Variants in HS3ST4 observed in about 807,000 individuals in gnomAD.
HS3ST4 encodes the protein heparan sulfate-glucosamine 3-sulfotransferase 4.
HS3ST4 carries 17 observed loss-of-function variants against 29.2 expected under a neutral mutation model. That is an observed-to-expected ratio of 0.58 (90% CI 0.40 to 0.87). HS3ST4 has a LOEUF of 0.87. Among genes scored for constraint, HS3ST4 ranks in the 40% least tolerant of loss-of-function variants. The pLI, the probability that HS3ST4 is intolerant of heterozygous loss-of-function variation, is 0.00. For synonymous variants in HS3ST4, 314 were observed against 285.7 expected, an observed-to-expected ratio of 1.10 and a Z score of -1.00; for missense variants, 627 against 634.5, an observed-to-expected ratio of 0.99 and a Z score of 0.13.
chr16:25,944,708 C>T (rs1400696988), intron 1 of HS3ST4, among the ~76,000 whole-genome samples: 1 of 152,170 alleles, frequency 6.6e-6, no homozygotes, highest in Non-Finnish European at 1.5e-5. Flanking sequence ...AAGACTCTCC[C>T]TCTCTATCTT....
At chr16:26,011,381 G>A (rs921840126) in intron 1 of HS3ST4, among the ~76,000 whole-genome samples, 2 of 151,722 alleles carry the variant, frequency 1.3e-5, no homozygotes, top group South Asian at 4.2e-4. Flanking sequence ...CCAACATGGT[G>A]AAACCCCGTC....
At chr16:25,828,125 T>TTCCCTCCC (rs201520959) in intron 1 of HS3ST4, among the ~76,000 whole-genome samples, 3 of 149,986 alleles carry the variant, frequency 2.0e-5, no homozygotes, top group African/African-American at 7.4e-5. Flanking sequence ...TAAGCAGCCC[T>TTCCCTCCC]TCCCTCCCTC....
At chr16:25,984,827 C>A (rs116154918) in intron 1 of HS3ST4, among the ~76,000 whole-genome samples, 2,398 of 152,258 alleles carry the variant, frequency 0.016, 78 homozygotes, top group African/African-American at 0.055. Context: ...TATCTTTAGT[C>A]CTGCAGTGGT....
chr16:25,795,804 T>C (rs189466017), intron 1 of HS3ST4, among the ~76,000 whole-genome samples: 22 of 152,274 alleles, frequency 1.4e-4, no homozygotes, highest in East Asian at 9.7e-4. Flanking sequence ...GCTCAGTCTA[T>C]CTTTTGTTCG....
chr16:25,740,417 G>C (rs920983331), intron 1 of HS3ST4, among the ~76,000 whole-genome samples: 1 of 152,156 alleles, frequency 6.6e-6, no homozygotes, highest in Non-Finnish European at 1.5e-5. Flanking sequence ...ATATTTGCCT[G>C]CTCCAAATAG....
intron 1 of HS3ST4, among the ~76,000 whole-genome samples, chr16:25,860,956 A>T (rs913655411): frequency 5.9e-5 from 9 of 152,160 alleles, no homozygotes; most frequent in African/African-American, 2.2e-4. Flanking sequence ...GGGAGGCTGT[A>T]TGTGGAGGGG....
intron 1 of HS3ST4, among the ~76,000 whole-genome samples, chr16:25,806,757 G>A (rs941582636): frequency 6.6e-6 from 1 of 152,094 alleles, no homozygotes; most frequent in Admixed American, 6.5e-5. Context: ...CAGGATATTG[G>A]CATAGATAAA....
intron 1 of HS3ST4, among the ~76,000 whole-genome samples, chr16:25,895,856 A>G (rs1968057872): frequency 6.6e-6 from 1 of 152,210 alleles, no homozygotes; most frequent in Non-Finnish European, 1.5e-5. Flanking sequence ...TCTTCTGACA[A>G]CACTATATTG....
At chr16:26,073,160 C>G (rs754651388) in intron 1 of HS3ST4, among the ~76,000 whole-genome samples, 1 of 152,156 alleles carries the variant, frequency 6.6e-6, no homozygotes, top group Admixed American at 6.5e-5. Flanking sequence ...CTGTGCCTGA[C>G]AATGTGCTGA....
intron 1 of HS3ST4, among the ~76,000 whole-genome samples, chr16:25,804,985 ACC>A (rs1966976143): frequency 6.6e-6 from 1 of 152,014 alleles, no homozygotes; most frequent in Non-Finnish European, 1.5e-5. Flanking sequence ...GGTCAAGGGT[ACC>A]CCAACCTCAG....
chr16:25,844,433 T>G (rs916076201), intron 1 of HS3ST4, among the ~76,000 whole-genome samples: 2 of 152,236 alleles, frequency 1.3e-5, no homozygotes, highest in Non-Finnish European at 2.9e-5. Context: ...TCCTTGTAGT[T>G]GCTCTTATTC....
intron 1 of HS3ST4, among the ~76,000 whole-genome samples, chr16:25,706,547 G>A (rs193131020): frequency 0.012 from 1,780 of 151,918 alleles, 10 homozygotes; most frequent in Non-Finnish European, 0.018. Context: ...CCCACCCCCC[G>A]ACAGGCCCTG....
intron 1 of HS3ST4, among the ~76,000 whole-genome samples, chr16:25,905,434 G>C (rs1968169744): frequency 6.6e-6 from 1 of 152,172 alleles, no homozygotes; most frequent in Non-Finnish European, 1.5e-5. Flanking sequence ...AACATGTTGG[G>C]AGGACTCTCT....
At chr16:25,832,829 T>C (rs1440515495) in intron 1 of HS3ST4, among the ~76,000 whole-genome samples, 1 of 152,236 alleles carries the variant, frequency 6.6e-6, no homozygotes, top group African/African-American at 2.4e-5. Context: ...TCATTTATCT[T>C]GTCTGATAGC....
At chr16:25,752,580 A>G (rs1966729383) in intron 1 of HS3ST4, among the ~76,000 whole-genome samples, 1 of 152,254 alleles carries the variant, frequency 6.6e-6, no homozygotes, top group South Asian at 2.1e-4. Context: ...AAAATCCTCA[A>G]TCATTCTTAC....
At chr16:25,909,668 G>A (rs150440241) in intron 1 of HS3ST4, among the ~76,000 whole-genome samples, 109 of 152,264 alleles carry the variant, frequency 7.2e-4, no homozygotes, top group African/African-American at 2.1e-3. Flanking sequence ...GAGATCCAGC[G>A]GGTTTCTACT....
intron 1 of HS3ST4, among the ~76,000 whole-genome samples, chr16:26,101,164 C>T (rs1596681270): frequency 6.6e-6 from 1 of 152,204 alleles, no homozygotes; most frequent in African/African-American, 2.4e-5. Flanking sequence ...CTCCCTTCAG[C>T]AGGCTTCTGG....
chr16:25,948,570 T>C (rs1968653002), intron 1 of HS3ST4, among the ~76,000 whole-genome samples: 1 of 152,210 alleles, frequency 6.6e-6, no homozygotes, highest in African/African-American at 2.4e-5. Context: ...CTCCTGTTGC[T>C]GCATTCTCAC....
chr16:25,854,122 T>G (rs998380642), intron 1 of HS3ST4, among the ~76,000 whole-genome samples: 1 of 147,292 alleles, frequency 6.8e-6, no homozygotes, highest in African/African-American at 2.7e-5. Context: ...CTCCATGTCT[T>G]TTTTTTTTGA....
Sources: gnomAD v4.1 joint callset for allele counts (sites outside exome capture counted in the v4.1 genomes callset) on GRCh38, gnomAD v4.1.1 for gene constraint, MANE v1.5 for transcripts, NCBI Gene and HGNC (gene_info 2026-07-23, HGNC 2026-07-21) for gene names.